The following STXBP5L variants were observed in gnomAD, a reference collection of about 807,000 sequenced individuals.
The protein encoded by STXBP5L is syntaxin-binding protein 5-like.
Under a neutral mutation model 144.5 loss-of-function variants are expected in STXBP5L, and 65 were observed. That is an observed-to-expected ratio of 0.45 (90% CI 0.37 to 0.55). The LOEUF is 0.55. STXBP5L is among the 20% of genes least tolerant of loss of function. STXBP5L has a pLI of 0.00. For missense variants in STXBP5L, 1,298 were observed against 1,405.5 expected (o/e 0.92, Z 1.22); for synonymous variants, 505 against 469.6 (o/e 1.08, Z -0.97).
In STXBP5L at chr3:121,325,257, C is replaced by T. The variant is rs189677492; in HGVS notation, c.2176+6717C>T. Among the ~76,000 whole-genome samples, 419 of 152,152 alleles carry T rather than the reference C, an allele frequency of 2.8e-3. 2 individuals are homozygous for T. The highest frequency in any genetic ancestry group is 8.8e-3 in the African/African-American group (366 of 41,546). On this transcript the variant is annotated intron_variant, in intron 20 of 26. Transcript: ENST00000471454. ...TGTGAACTATTAATGTTCTAGTCCC[C>T]AAATAAAGTCAGTAGCCAAGGAAGA...
At chr3:121,392,448 C>T (rs1377123077) in intron 22 of STXBP5L, among the ~76,000 whole-genome samples, 2 of 152,188 alleles carry the variant, frequency 1.3e-5, no homozygotes, top group Admixed American at 1.3e-4. Context: ...AACCAGTTAC[C>T]TCAGTTGGAA....
At chr3:120,971,784 A>G (rs1045242255) in intron 3 of STXBP5L, among the ~76,000 whole-genome samples, 1 of 151,094 alleles carries the variant, frequency 6.6e-6, no homozygotes, top group African/African-American at 2.4e-5. Flanking sequence ...GTGTATGTAT[A>G]TATATATATA....
At chr3:121,105,221 GC>G (rs952241521) in intron 5 of STXBP5L, among the ~76,000 whole-genome samples, 34 of 151,766 alleles carry the variant, frequency 2.2e-4, no homozygotes, top group African/African-American at 8.0e-4. Context: ...CATGGTGAAA[GC>G]CCATCTCTAC....
chr3:121,304,865 C>T (rs1032409897), intron 19 of STXBP5L, among the ~76,000 whole-genome samples: 7 of 151,196 alleles, frequency 4.6e-5, no homozygotes, highest in South Asian at 2.1e-4. Flanking sequence ...CAAAAATGAA[C>T]GAAATAGAGG....
chr3:121,066,889 A>G (rs1025580606), intron 5 of STXBP5L, among the ~76,000 whole-genome samples: 11 of 152,050 alleles, frequency 7.2e-5, no homozygotes, highest in African/African-American at 1.2e-4. Flanking sequence ...TATTTCCTTA[A>G]TAGGTGTAGA....
At chr3:120,964,252 GT>G (rs1363499075) in intron 3 of STXBP5L, among the ~76,000 whole-genome samples, 5 of 152,076 alleles carry the variant, frequency 3.3e-5, no homozygotes, top group African/African-American at 1.2e-4. Flanking sequence ...GTTTTGAAGG[GT>G]TTTTTGTGTC....
chr3:121,103,586 T>G (rs2107789183), intron 5 of STXBP5L, among the ~76,000 whole-genome samples: 1 of 152,228 alleles, frequency 6.6e-6, no homozygotes. Flanking sequence ...TACCTCAGCA[T>G]CACTCAATAT....
At chr3:121,250,838 T>G in intron 15 of STXBP5L, 75 bp downstream of exon 15, 1 of 1,314,024 alleles carries the variant, frequency 7.6e-7, no homozygotes, top group South Asian at 1.3e-5. Flanking sequence ...CTTTTTAGTT[T>G]GGGCAATTAA....
chr3:121,091,047 T>C lies in STXBP5L; in HGVS notation c.471-23878T>C, dbSNP rs373993788. 4.4e-3 allele frequency among the ~76,000 whole-genome samples: 661 copies of C among 150,740 alleles called. 2 individuals carry two copies. Among genetic ancestry groups the C allele is most frequent in the African/African-American group, 0.015 (600 of 40,860 alleles). On this transcript the variant is annotated intron_variant, in intron 5 of 26. Coordinates refer to ENST00000471454, the MANE Select transcript of STXBP5L (RefSeq NM_001308330.2). ...TGCGGTGTGTGGTTTTTTGTTCTTG[T>C]GATAGTTTACTGAGAATGATGCTTT...
At chr3:120,978,061 C>A (rs910629268) in intron 3 of STXBP5L, among the ~76,000 whole-genome samples, 5 of 152,262 alleles carry the variant, frequency 3.3e-5, no homozygotes, top group African/African-American at 1.2e-4. Context: ...TTGTGGCATT[C>A]TCTGTATTTC....
chr3:120,936,618 G>C (rs1041893536), intron 2 of STXBP5L, among the ~76,000 whole-genome samples: 3 of 146,322 alleles, frequency 2.1e-5, no homozygotes, highest in Non-Finnish European at 4.5e-5. Flanking sequence ...ATACATGCAG[G>C]TTTTTTTTTT....
At chr3:121,320,128 T>G (rs941577385) in intron 20 of STXBP5L, among the ~76,000 whole-genome samples, 3 of 152,206 alleles carry the variant, frequency 2.0e-5, no homozygotes, top group African/African-American at 7.2e-5. Flanking sequence ...AATTAACATA[T>G]TCAACAATAT....
intron 19 of STXBP5L, among the ~76,000 whole-genome samples, chr3:121,305,234 AT>A (rs1427518369): frequency 2.0e-5 from 3 of 152,190 alleles, no homozygotes; most frequent in Non-Finnish European, 4.4e-5. Flanking sequence ...GCTATCAAAC[AT>A]TTAAGGAAGA....
intron 3 of STXBP5L, among the ~76,000 whole-genome samples, chr3:120,993,774 G>A (rs1423830301): frequency 2.6e-5 from 4 of 151,770 alleles, no homozygotes; most frequent in Admixed American, 1.3e-4. Context: ...GATTGCTTTT[G>A]CTACTCAGGC....
intron 11 of STXBP5L, among the ~76,000 whole-genome samples, chr3:121,228,275 A>T (rs2049185761): frequency 6.6e-6 from 1 of 152,136 alleles, no homozygotes; most frequent in Middle Eastern, 3.2e-3. Context: ...TAAAACACAG[A>T]ATCTGTGTTT....
At chr3:121,263,876 T>G (rs1473150263) in intron 18 of STXBP5L, among the ~76,000 whole-genome samples, 1 of 152,178 alleles carries the variant, frequency 6.6e-6, no homozygotes, top group Non-Finnish European at 1.5e-5. Flanking sequence ...GGAACAAAGC[T>G]GGGAAACACT....
At chr3:121,377,524 T>C (rs1420920239) in intron 20 of STXBP5L, among the ~76,000 whole-genome samples, 2 of 152,130 alleles carry the variant, frequency 1.3e-5, no homozygotes, top group South Asian at 2.1e-4. Context: ...TGGGCAAAGC[T>C]GTGAACAGAC....
chr3:121,271,129 CTATATT>C (rs1173614705), intron 18 of STXBP5L, among the ~76,000 whole-genome samples: 1 of 152,148 alleles, frequency 6.6e-6, no homozygotes, highest in Non-Finnish European at 1.5e-5. Flanking sequence ...TGTTACCCTT[CTATATT>C]TATAAGTTAG....
chr3:121,195,959 A>C (rs1272136810), intron 9 of STXBP5L, among the ~76,000 whole-genome samples: 2 of 152,150 alleles, frequency 1.3e-5, no homozygotes, highest in African/African-American at 4.8e-5. Flanking sequence ...ACTTTGTAAT[A>C]TATTTTGAAA....
Sources: allele counts gnomAD v4.1 joint callset (sites outside exome capture counted in the v4.1 genomes callset), GRCh38; gene constraint gnomAD v4.1.1; transcripts MANE v1.5; gene names NCBI Gene and HGNC (gene_info 2026-07-23, HGNC 2026-07-21).